CRADD: variants seen among roughly 807,000 people sequenced by gnomAD.
CRADD encodes CARD and death domain containing adaptor protein.
Under a neutral mutation model 15.5 loss-of-function variants are expected in CRADD, and 9 were observed. That is an observed-to-expected ratio of 0.58 (90% confidence interval 0.35 to 1.01). The LOEUF is 1.01. Ranked by LOEUF, CRADD falls within the 50% of genes least tolerant of loss-of-function variation. CRADD has a pLI of 0.02. For synonymous variants in CRADD, 118 were observed against 107.6 expected, an observed-to-expected ratio of 1.10 and a Z score of -0.60; for missense variants, 227 against 250.3, an observed-to-expected ratio of 0.91 and a Z score of 0.63.
chr12:93,717,712 G>A (rs1165037112), intron 2 of CRADD, among the ~76,000 whole-genome samples: 1 of 152,034 alleles, frequency 6.6e-6, no homozygotes, highest in African/African-American at 2.4e-5. Flanking sequence ...GTAGAGATGG[G>A]ATTTCACCAT....
chr12:93,773,427 A>C (rs909807394), intron 2 of CRADD, among the ~76,000 whole-genome samples: 1 of 152,176 alleles, frequency 6.6e-6, no homozygotes, highest in African/African-American at 2.4e-5. Context: ...GTCTGCTGCC[A>C]TGTGAGGTGT....
chr12:93,858,519 T>A (rs1201567542), intron 2 of CRADD, among the ~76,000 whole-genome samples: 1 of 152,192 alleles, frequency 6.6e-6, no homozygotes, highest in East Asian at 1.9e-4. Flanking sequence ...AAAATGAACA[T>A]CATTGCCACT....
chr12:93,849,817 G>A (rs1307184710), intron 2 of CRADD, among the ~76,000 whole-genome samples, 153 bp from the exon 3 acceptor site: 2 of 151,820 alleles, frequency 1.3e-5, no homozygotes, highest in Admixed American at 1.3e-4. Context: ...GAATCATGGC[G>A]TTGTACAGAG....
intron 2 of CRADD, among the ~76,000 whole-genome samples, chr12:93,841,514 T>G (rs1958047191): frequency 6.6e-6 from 1 of 151,630 alleles, no homozygotes; most frequent in African/African-American, 2.4e-5. Context: ...TAGGGCTCTT[T>G]GTCAAGGGAG....
chr12:93,881,438 G>T (rs963034656), intron 2 of CRADD, among the ~76,000 whole-genome samples: 6 of 119,174 alleles, frequency 5.0e-5, no homozygotes, highest in South Asian at 2.8e-4. Flanking sequence ...AAAAAAAAGT[G>T]TGGGGGGGGG....
At chr12:93,888,028 G>A (rs545271856) in intron 2 of CRADD, among the ~76,000 whole-genome samples, 10 of 152,310 alleles carry the variant, frequency 6.6e-5, no homozygotes, top group African/African-American at 2.2e-4. Context: ...AGTTAATGGA[G>A]TGTATTCTCA....
chr12:93,771,055 G>T (rs1957080970), intron 2 of CRADD, among the ~76,000 whole-genome samples: 1 of 151,894 alleles, frequency 6.6e-6, no homozygotes, highest in Non-Finnish European at 1.5e-5. Context: ...CTTTCCAATG[G>T]CTATAGAATA....
chr12:93,744,223 C>G (rs1358165414), intron 2 of CRADD, among the ~76,000 whole-genome samples: 2 of 152,194 alleles, frequency 1.3e-5, no homozygotes, highest in African/African-American at 4.8e-5. Flanking sequence ...ACCTGTAGGC[C>G]TTCCAGGGGA....
intron 2 of CRADD, among the ~76,000 whole-genome samples, chr12:93,892,090 A>G (rs1958580021): frequency 1.3e-5 from 2 of 152,140 alleles, no homozygotes; most frequent in African/African-American, 4.8e-5. Flanking sequence ...GAGAGGTGGG[A>G]GATATACGTT....
intron 2 of CRADD, among the ~76,000 whole-genome samples, chr12:93,796,443 A>G (rs1957419602): frequency 6.6e-6 from 1 of 151,982 alleles, no homozygotes; most frequent in South Asian, 2.1e-4. Flanking sequence ...TATCTCTACT[A>G]AAAATACAAA....
At chr12:93,855,541 G>T (rs1205882534), downstream of CRADD, among the ~76,000 whole-genome samples, 2 of 152,214 alleles carry the variant, frequency 1.3e-5, no homozygotes, top group Non-Finnish European at 1.5e-5. Flanking sequence ...TCGAGTCTAT[G>T]GGAATGCAGA....
chr12:93,869,098 G>A (rs1268844326), intron 2 of CRADD, among the ~76,000 whole-genome samples: 1 of 152,136 alleles, frequency 6.6e-6, no homozygotes, highest in Non-Finnish European at 1.5e-5. Context: ...CCAAATTAGT[G>A]GGGCTTGATA....
intron 2 of CRADD, among the ~76,000 whole-genome samples, chr12:93,773,401 C>T (rs747874645): frequency 6.6e-6 from 1 of 152,126 alleles, no homozygotes; most frequent in Non-Finnish European, 1.5e-5. Context: ...AGTTTCCCTG[C>T]ACAAGCTCTC....
At chr12:93,862,615 G>C (rs1160227405) in intron 2 of CRADD, among the ~76,000 whole-genome samples, 3 of 152,170 alleles carry the variant, frequency 2.0e-5, no homozygotes, top group African/African-American at 7.2e-5. Context: ...AAGGTGGGGT[G>C]AGTCAGCTAA....
intron 2 of CRADD, among the ~76,000 whole-genome samples, chr12:93,763,499 C>T (rs1459751734): frequency 3.3e-5 from 5 of 151,120 alleles, no homozygotes; most frequent in South Asian, 2.1e-4. Context: ...TTTGAGTTTT[C>T]GAATCTGAAA....
At chr12:93,711,529 CCTCTTCTCTTA>C (rs1956074660) in intron 2 of CRADD, among the ~76,000 whole-genome samples, 1 of 152,102 alleles carries the variant, frequency 6.6e-6, no homozygotes, top group Non-Finnish European at 1.5e-5. Context: ...TGCCTCTTTA[CCTCTTCTCTTA>C]CTCTTCTCCC....
chr12:93,835,518 A>G (rs1386062999), intron 2 of CRADD, among the ~76,000 whole-genome samples: 1 of 152,030 alleles, frequency 6.6e-6, no homozygotes, highest in African/African-American at 2.4e-5. Context: ...CTTGTATTGG[A>G]TCTTTAAACA....
intron 2 of CRADD, among the ~76,000 whole-genome samples, chr12:93,687,636 T>G (rs1444098338): frequency 6.6e-6 from 1 of 152,224 alleles, no homozygotes; most frequent in African/African-American, 2.4e-5. Flanking sequence ...CCTCACTCAC[T>G]GCTTCCAAGT....
intron 2 of CRADD, among the ~76,000 whole-genome samples, chr12:93,828,120 G>A (rs1204063552): frequency 3.3e-5 from 5 of 152,198 alleles, no homozygotes; most frequent in African/African-American, 4.8e-5. Context: ...CTTCTTAGCT[G>A]AAGTGTCTGT....
Sources: allele counts gnomAD v4.1 joint callset (sites outside exome capture counted in the v4.1 genomes callset), GRCh38; gene constraint gnomAD v4.1.1; transcripts MANE v1.5; gene names NCBI Gene and HGNC (gene_info 2026-07-23, HGNC 2026-07-21).